The following EMC4 variants were observed in gnomAD, a reference collection of about 807,000 sequenced individuals.
EMC4 encodes the protein cell proliferation-inducing gene 17 protein.
EMC4 carries 9 observed loss-of-function variants against 24.2 expected under a neutral mutation model. That is an observed-to-expected ratio of 0.37 (90% CI 0.22 to 0.65). The LOEUF is 0.65. EMC4 is among the 30% of genes least tolerant of loss of function. The pLI is 0.59. For synonymous variants in EMC4, 86 were observed against 81.1 expected (o/e 1.06, Z -0.32); for missense variants, 169 against 234.6 (o/e 0.72, Z 1.83).
chr15:34,225,739 G>T (rs1213180005), intron 2 of EMC4, 89 bp downstream of exon 2: 2 of 1,011,232 alleles, frequency 2.0e-6, no homozygotes, highest in Non-Finnish European at 3.1e-6. Flanking sequence ...AACGTAGATA[G>T]CTCTTATCCT....
chr15:34,229,835 C>T lies in EMC4; in HGVS notation c.*47C>T. On this transcript the variant is annotated 3_prime_UTR_variant, in exon 5 of 5. Coordinates refer to ENST00000267750, the MANE Select transcript of EMC4 (RefSeq NM_016454.4). Reference sequence around the variant, plus strand: ...TCCCTATGTATTTGGGTCTTATTTACATCCTTCTTTAAGCCCAGTGGCTCC... The same window carrying T: ...TCCCTATGTATTTGGGTCTTATTTATATCCTTCTTTAAGCCCAGTGGCTCC... 8 of 1,599,858 alleles carry T rather than the reference C, an allele frequency of 5.0e-6. No individual in the cohort carries two copies. Among genetic ancestry groups the T allele is most frequent in the Non-Finnish European group, 6.9e-6 (8 of 1,167,040 alleles).
At chr15:34,228,293 G>A (rs1026223537) in intron 3 of EMC4, 136 bp from the exon 4 acceptor site, 2 of 854,578 alleles carry the variant, frequency 2.3e-6, no homozygotes, top group Non-Finnish European at 3.6e-6. Context: ...TGCTTACCAT[G>A]GTTTTCTGTT....
chr15:34,225,055 C>G lies in EMC4; in HGVS notation c.-60C>G. The G allele has an allele frequency of 7.4e-7, 1 of 1,353,134 alleles. No homozygotes were observed. The highest frequency in any genetic ancestry group is 2.5e-5 in the East Asian group (1 of 40,050). The allele number at this position is 1,353,134 out of a possible 1,614,324, so 83.8% of individuals were successfully genotyped here. A position where few individuals can be genotyped will look rare whatever the true frequency, so the allele number is the denominator to read the frequency against. ...AGACAAAGCGGAGAACGCTGGTGGG[C>G]CTGTTGTGGAGTACGCTTTGGACTG... On this transcript the variant is annotated 5_prime_UTR_variant, in exon 1 of 5. Transcript: ENST00000267750.
chr15:34,225,809 A>T (rs975483971), intron 2 of EMC4, 159 bp downstream of exon 2: 1 of 693,884 alleles, frequency 1.4e-6, no homozygotes, highest in Non-Finnish European at 2.6e-6. Flanking sequence ...TATCAGCTAC[A>T]AAAGTGCTTA....
intron 1 of EMC4, 30 bp from the exon 2 acceptor site, chr15:34,225,506 C>G: frequency 6.6e-7 from 1 of 1,515,616 alleles, no homozygotes; most frequent in Non-Finnish European, 9.2e-7. Flanking sequence ...TCGGAGGTTG[C>G]AGCTTTAGTT....
intron 2 of EMC4, 139 bp from the exon 3 acceptor site, chr15:34,227,554 G>A (rs1392654945): frequency 8.6e-6 from 7 of 816,128 alleles, no homozygotes; most frequent in East Asian, 2.5e-5. Context: ...GAGAAGGGAA[G>A]AGGTCGTAGA....
At chr15:34,225,733 T>C in intron 2 of EMC4, 83 bp downstream of exon 2, 1 of 1,037,718 alleles carries the variant, frequency 9.6e-7, no homozygotes, top group Non-Finnish European at 1.5e-6. Context: ...GGAGTTAACG[T>C]AGATAGCTCT....
chr15:34,229,143 GTTC>G (rs1890755888), intron 4 of EMC4: 1 of 152,344 alleles, frequency 6.6e-6, no homozygotes, highest in Non-Finnish European at 1.5e-5. Context: ...CGCCCCCCAG[GTTC>G]AAGCGATTCT....
chr15:34,227,720 C>G lies in EMC4; in HGVS notation c.229C>G (p.Leu77Val). Residue 77 changes from leucine to valine, a missense_variant, in exon 3 of 5, where the codon CTC becomes GTC. By Grantham distance (32) the Leu-to-Val change is conservative. Transcript: ENST00000267750. ...KRCWDIALGP[L>V]KQIPMNLFIM... The stretch of plus-strand genomic sequence containing the variant: ...CTGCTGGGACATCGCCTTGGGTCCC[C>G]TCAAACAGATTCCCATGAATCTCTT... 6.2e-7 allele frequency: 1 copy of G among 1,614,046 alleles called. No homozygotes were observed. The highest frequency in any genetic ancestry group is 8.5e-7 in the Non-Finnish European group (1 of 1,179,960).
intron 3 of EMC4, 77 bp downstream of exon 3, chr15:34,227,923 G>A: frequency 4.7e-6 from 7 of 1,500,974 alleles, no homozygotes; most frequent in Non-Finnish European, 5.5e-6. Flanking sequence ...GCTCACGCCT[G>A]TAATCCCAGC....
At position 34,225,524 on chromosome 15, in the gene EMC4, T is replaced by G; in HGVS notation, c.87-12T>G. On this transcript the variant is annotated splice_polypyrimidine_tract_variant and intron_variant, in intron 1 of 4. Coordinates refer to ENST00000267750, the MANE Select transcript of EMC4 (RefSeq NM_016454.4). ...GAGGTTGCAGCTTTAGTTTCTTGGT[T>G]TGGTTTTTTAGGGGTCGAAGTGACC... 2 of 1,606,920 alleles carry G rather than the reference T, an allele frequency of 1.2e-6. No homozygotes were observed. Among genetic ancestry groups the G allele is most frequent in the Non-Finnish European group, 1.7e-6 (2 of 1,173,604 alleles).
At position 34,230,001 on chromosome 15, in the gene EMC4, A is replaced by G; in HGVS notation, c.*213A>G. 1.7e-6 allele frequency: 1 copy of G among 587,044 alleles called. No homozygotes were observed. The highest frequency in any genetic ancestry group is 1.9e-5 in the African/African-American group (1 of 52,918). 36.4% of individuals were successfully genotyped at this position (587,044 alleles called of 1,614,324 possible). Reference sequence around the variant, plus strand: ...ACTATACCATAACCCAAGGCTGAAAATAATGTAGAAAACTTTATTTTTGTT... The same window carrying G: ...ACTATACCATAACCCAAGGCTGAAAGTAATGTAGAAAACTTTATTTTTGTT... On this transcript the variant is annotated 3_prime_UTR_variant, in exon 5 of 5. Coordinates refer to ENST00000267750, the MANE Select transcript of EMC4 (RefSeq NM_016454.4).
intron 2 of EMC4, chr15:34,225,870 T>C (rs1045862590): frequency 3.4e-6 from 2 of 581,192 alleles, no homozygotes; most frequent in Non-Finnish European, 6.4e-6. Context: ...AGAAAGTAGG[T>C]TGAAAACTAT....
In EMC4 at chr15:34,230,036, G is replaced by A. The variant is rs1890817672; in HGVS notation, c.*248G>A. The A allele has an allele frequency of 6.4e-6, 3 of 469,556 alleles. No individual in the cohort carries two copies. The highest frequency in any genetic ancestry group is 1.1e-5 in the Non-Finnish European group (3 of 266,834). 29.1% of individuals were successfully genotyped at this position (469,556 alleles called of 1,614,324 possible). ...AAACTTTATTTTTGTTTCCAGTACA[G>A]AGCAAAACAACAACAAAAAAACATA... On this transcript the variant is annotated 3_prime_UTR_variant, in exon 5 of 5. Transcript: ENST00000267750.
intron 3 of EMC4, 52 bp downstream of exon 3, chr15:34,227,898 A>G: frequency 6.3e-7 from 1 of 1,587,058 alleles, no homozygotes; most frequent in Non-Finnish European, 8.6e-7. Flanking sequence ...AATTAAAGGC[A>G]GGCCGGGCAT....
chr15:34,228,318 C>G, intron 3 of EMC4, 111 bp from the exon 4 acceptor site: 1 of 1,124,938 alleles, frequency 8.9e-7, no homozygotes. Flanking sequence ...TTTAATGGTC[C>G]TATTTGCTGT....
rs756065447 is a variant in EMC4 at position 34,225,174 on chromosome 15, G to C, written c.60G>C (p.Glu20Asp). The change falls in exon 1 of 5, where the codon GAG (glutamate) becomes GAC (aspartate). Residue 20 changes from glutamate (E) to aspartate (D), a missense_variant. Glu to Asp is a conservative substitution (Grantham distance 45). Transcript: ENST00000267750. ...NRGRRFKWAIELSGPGGGSRG... is the reference protein window; with the variant it reads ...NRGRRFKWAIDLSGPGGGSRG... ...GCCGGCGCTTCAAGTGGGCCATTGA[G>C]CTAAGCGGGCCTGGAGGAGGCAGCA... 1 of 1,551,446 alleles carries C rather than the reference G, an allele frequency of 6.4e-7. No individual in the cohort carries two copies. Among genetic ancestry groups the C allele is most frequent in the Admixed American group, 2.0e-5 (1 of 50,946 alleles).
At chr15:34,228,040 G>C in intron 3 of EMC4, 194 bp downstream of exon 3, 1 of 522,668 alleles carries the variant, frequency 1.9e-6, no homozygotes, top group East Asian at 3.5e-5. Flanking sequence ...AAAATTAGCT[G>C]GGCGTGGTGG....
Position 34,225,655 on chromosome 15 carries a change from A to G in EMC4, c.201+5A>G. Reference sequence around the variant, plus strand: ...GACCGGATCCTGGTGGAGAAGGTACAGAGGTATAGATGTTACCGTAGCCCA... The same window carrying G: ...GACCGGATCCTGGTGGAGAAGGTACGGAGGTATAGATGTTACCGTAGCCCA... On this transcript the variant is annotated splice_donor_5th_base_variant and intron_variant, in intron 2 of 4. Transcript: ENST00000267750. 3 of 1,608,566 alleles carry G rather than the reference A, an allele frequency of 1.9e-6. No homozygotes were observed. The highest frequency in any genetic ancestry group is 1.1e-5 in the South Asian group (1 of 90,952).
Sources: gnomAD v4.1 joint callset for allele counts on GRCh38, gnomAD v4.1.1 for gene constraint, MANE v1.5 for transcripts, NCBI Gene and HGNC (gene_info 2026-07-23, HGNC 2026-07-21) for gene names.